PTPRN2: variants seen among roughly 807,000 people sequenced by gnomAD.
PTPRN2 encodes the protein receptor-type tyrosine-protein phosphatase N2.
Under a neutral mutation model 118.8 loss-of-function variants are expected in PTPRN2, and 74 were observed. The observed-to-expected ratio is 0.62, with a 90% CI of 0.52 to 0.76. The LOEUF (loss-of-function observed/expected upper bound fraction) is 0.76, where lower values mean the gene tolerates loss of function less well. PTPRN2 is among the 30% of genes least tolerant of loss of function. PTPRN2 has a pLI of 0.00. For missense variants in PTPRN2, 1,481 were observed against 1,394.4 expected (o/e 1.06, Z -0.99); for synonymous variants, 641 against 608.0 (o/e 1.05, Z -0.80).
intron 3 of PTPRN2, among the ~76,000 whole-genome samples, chr7:158,262,754 C>A (rs1207777934): frequency 6.7e-6 from 1 of 149,040 alleles, no homozygotes; most frequent in African/African-American, 2.5e-5. Context: ...CACATATACA[C>A]ACACTGCACA....
rs1295227848 is a variant in PTPRN2 at position 158,544,994 on chromosome 7, C to T, written c.112+42564G>A. On this transcript the variant is annotated intron_variant, in intron 1 of 22. Transcript: ENST00000389418. This position sits in a 1 kb window ranked among gnomAD's most constrained non-coding sequence, Gnocchi z 4.2. Reference sequence around the variant, plus strand: ...TCCTGCCCAGAAATGGGAAGGTGATCTGCATCCTCCCAGGCCCCCTCTGGA... The same window carrying T: ...TCCTGCCCAGAAATGGGAAGGTGATTTGCATCCTCCCAGGCCCCCTCTGGA... Among the ~76,000 whole-genome samples the T allele has an allele frequency of 6.6e-6, 1 of 152,206 alleles. No individual in the cohort carries two copies. Among genetic ancestry groups the T allele is most frequent in the Non-Finnish European group, 1.5e-5 (1 of 68,026 alleles).
intron 11 of PTPRN2, among the ~76,000 whole-genome samples, chr7:158,048,609 T>C: frequency 6.7e-6 from 1 of 149,136 alleles, no homozygotes; most frequent in Non-Finnish European, 1.5e-5. Flanking sequence ...TCATCATCAA[T>C]CACATCACCA....
intron 3 of PTPRN2, among the ~76,000 whole-genome samples, chr7:158,294,885 G>A (rs979829428): frequency 2.1e-5 from 3 of 144,252 alleles, no homozygotes; most frequent in South Asian, 4.4e-4. Flanking sequence ...CATGGGGCCC[G>A]CTGACCCTGC....
rs1378821555 is a variant in PTPRN2 at position 158,431,616 on chromosome 7, T to TCGCACTGGGCACACACCAGGA, written c.163+58098_163+58118dup. Among the ~76,000 whole-genome samples, 10 of 136,848 alleles carry TCGCACTGGGCACACACCAGGA rather than the reference T, an allele frequency of 7.3e-5. No individual in the cohort carries two copies. In the East Asian group the frequency reaches 2.2e-3, roughly 30 times the overall value. The allele number at this position is 136,848 out of a possible 152,430, so 89.8% of individuals were successfully genotyped here. On this transcript the variant is annotated intron_variant, in intron 2 of 22. Coordinates refer to ENST00000389418, the MANE Select transcript of PTPRN2 (RefSeq NM_002847.5). Reference sequence around the variant, plus strand: ...TGGCTCACACTGGCCACACACTGGCTCGCACTGGGCACACACCAGGACACA... The same window carrying TCGCACTGGGCACACACCAGGA: ...TGGCTCACACTGGCCACACACTGGCTCGCACTGGGCACACACCAGGACGCACTGGGCACACACCAGGACACA...
At chr7:158,030,002 G>A (rs1412466273) in intron 11 of PTPRN2, 1 of 152,242 alleles carries the variant, frequency 6.6e-6, no homozygotes, top group Non-Finnish European at 1.5e-5. Flanking sequence ...TCAAAGACAT[G>A]TAGAGAGAAA....
rs913551726 is a variant in PTPRN2, at chr7:158,529,372, C to T, written c.113-39587G>A. On this transcript the variant is annotated intron_variant, in intron 1 of 22. Coordinates refer to ENST00000389418, the MANE Select transcript of PTPRN2 (RefSeq NM_002847.5). This position sits in a 1 kb window ranked among gnomAD's most constrained non-coding sequence, Gnocchi z 4.7. ...CCAGAGCAAGCATTGGCTGTGTCGG[C>T]AGAGGAAGGTGGGAAGGCCCAGGGG... Among the ~76,000 whole-genome samples the T allele has an allele frequency of 6.6e-6, 1 of 152,210 alleles. No homozygotes were observed. Among genetic ancestry groups the T allele is most frequent in the Non-Finnish European group, 1.5e-5 (1 of 68,034 alleles).
intron 12 of PTPRN2, among the ~76,000 whole-genome samples, chr7:157,805,316 T>TGTGC (rs61380811): frequency 1.0e-3 from 149 of 147,662 alleles, no homozygotes; most frequent in African/African-American, 2.0e-3. Context: ...TGTGTGTGTG[T>TGTGC]GCGTGTGCAA....
intron 12 of PTPRN2, among the ~76,000 whole-genome samples, chr7:157,736,679 G>A (rs1205000742): frequency 6.6e-6 from 1 of 152,196 alleles, no homozygotes; most frequent in Non-Finnish European, 1.5e-5. Flanking sequence ...GATGCACGCA[G>A]ACGGCTTGGG....
At chr7:158,418,163 T>C (rs1223451185) in intron 2 of PTPRN2, among the ~76,000 whole-genome samples, 1 of 151,082 alleles carries the variant, frequency 6.6e-6, no homozygotes, top group Non-Finnish European at 1.5e-5. Flanking sequence ...CATGGTGTAC[T>C]ACATCAAGAT....
chr7:158,194,325 C>T lies in PTPRN2; in HGVS notation c.381-1830G>A, dbSNP rs139870388. Among the ~76,000 whole-genome samples the T allele has an allele frequency of 3.6e-4, 55 of 152,308 alleles. No individual in the cohort carries two copies. The East Asian group carries it at 8.3e-3, about 23-fold the overall frequency. On this transcript the variant is annotated intron_variant, in intron 4 of 22. Coordinates refer to ENST00000389418, the MANE Select transcript of PTPRN2 (RefSeq NM_002847.5). ...TTTAGTTTGTATAATTAATTGAGTG[C>T]GTCATTTATGTCCATAAAAGAACGG...
intron 10 of PTPRN2, among the ~76,000 whole-genome samples, chr7:158,087,691 T>TC (rs1425088809): frequency 1.4e-3 from 194 of 143,702 alleles, no homozygotes; most frequent in East Asian, 2.0e-3. Flanking sequence ...ACACAAACCT[T>TC]CTTCCCCTGA....
At chr7:158,193,765 T>G (rs1485249071) in intron 4 of PTPRN2, among the ~76,000 whole-genome samples, 2 of 152,012 alleles carry the variant, frequency 1.3e-5, no homozygotes, top group African/African-American at 2.4e-5. Context: ...CTTTGCTTTT[T>G]TGCACATGAC....
At chr7:157,644,041 G>A (rs533987887) in intron 14 of PTPRN2, among the ~76,000 whole-genome samples, 1 of 152,226 alleles carries the variant, frequency 6.6e-6, no homozygotes, top group African/African-American at 2.4e-5. Context: ...TGCATCAGGC[G>A]TCGGTCCCTG....
At chr7:158,490,587 C>T (rs1563352974) in intron 1 of PTPRN2, among the ~76,000 whole-genome samples, 1 of 152,260 alleles carries the variant, frequency 6.6e-6, no homozygotes, top group Admixed American at 6.5e-5. Flanking sequence ...TAGGGAGCGG[C>T]TCCCGCGAGG....
intron 5 of PTPRN2, among the ~76,000 whole-genome samples, chr7:158,180,227 C>T (rs1219050168): frequency 6.6e-6 from 1 of 152,228 alleles, no homozygotes; most frequent in East Asian, 1.9e-4. Context: ...ATTTATCAAA[C>T]AGGTGTCCTT....
chr7:158,551,361 G>A (rs1001844549), intron 1 of PTPRN2, among the ~76,000 whole-genome samples: 1 of 152,052 alleles, frequency 6.6e-6, no homozygotes, highest in African/African-American at 2.4e-5. Flanking sequence ...CCATCAGGGT[G>A]GGGCTCTAAC....
chr7:157,650,853 G>T (rs757698963), intron 14 of PTPRN2, among the ~76,000 whole-genome samples: 2 of 152,224 alleles, frequency 1.3e-5, no homozygotes, highest in Non-Finnish European at 2.9e-5. Flanking sequence ...CTGGTTCGGT[G>T]ACTTATCGCT....
chr7:158,228,533 T>C (rs1399815344), intron 3 of PTPRN2, among the ~76,000 whole-genome samples: 4 of 152,000 alleles, frequency 2.6e-5, no homozygotes, highest in African/African-American at 7.3e-5. Flanking sequence ...GCAAGGTGAC[T>C]TCACTCTGCT....
chr7:157,695,424 T>C (rs1478021513), intron 12 of PTPRN2, among the ~76,000 whole-genome samples: 4 of 152,148 alleles, frequency 2.6e-5, no homozygotes, highest in Non-Finnish European at 5.9e-5. Context: ...TAAAATACTT[T>C]TGATTTCTAA....
Sources: allele counts gnomAD v4.1 joint callset (sites outside exome capture counted in the v4.1 genomes callset), GRCh38; gene constraint gnomAD v4.1.1; non-coding constraint Gnocchi (gnomAD v3.1); transcripts MANE v1.5; gene names NCBI Gene and HGNC (gene_info 2026-07-23, HGNC 2026-07-21).